The following ATP11C variants were observed in gnomAD, a reference collection of about 807,000 sequenced individuals.
ATP11C encodes ATPase phospholipid transporting 11C (ATP11C blood group), also known as phospholipid-transporting ATPase IG.
Under a neutral mutation model 97.4 loss-of-function variants are expected in ATP11C, and 36 were observed. The observed-to-expected ratio is 0.37, with a 90% CI of 0.28 to 0.49. ATP11C has a LOEUF of 0.49. Among genes scored for constraint, ATP11C ranks in the 20% least tolerant of loss-of-function variants. The probability of loss-of-function intolerance (pLI) is 0.98; values close to 1 mark genes in which losing one functional copy is unlikely to be tolerated. For synonymous variants in ATP11C, 275 were observed against 290.9 expected, an observed-to-expected ratio of 0.95 and a Z score of 0.56; for missense variants, 730 against 824.6, an observed-to-expected ratio of 0.89 and a Z score of 1.40.
At chrX:139,862,180 G>A (rs1339822511) in intron 1 of ATP11C, among the ~76,000 whole-genome samples, 3 of 111,486 alleles carry the variant, frequency 2.7e-5, no homozygotes, top group Non-Finnish European at 5.7e-5. Context: ...CCTAGAGGGT[G>A]GTACACCCAG....
intron 13 of ATP11C, among the ~76,000 whole-genome samples, chrX:139,788,557 CTG>C (rs2082624713): frequency 9.0e-6 from 1 of 111,503 alleles, no homozygotes; most frequent in Admixed American, 9.6e-5. Flanking sequence ...ACCCTATAGG[CTG>C]TGTTAACTCA....
chrX:139,778,075 G>A (rs1305960234), intron 18 of ATP11C, among the ~76,000 whole-genome samples: 1 of 110,861 alleles, frequency 9.0e-6, no homozygotes, highest in Non-Finnish European at 1.9e-5. Context: ...CAGGCTGGCT[G>A]TGAGCTCCCA....
chrX:139,799,266 C>T (rs191098497), intron 8 of ATP11C, among the ~76,000 whole-genome samples: 1,567 of 111,425 alleles, frequency 0.014, 8 homozygotes, highest in African/African-American at 0.019. Context: ...GAAAGCATCC[C>T]TTTTTGTATG....
rs202076394 is a variant in ATP11C at position 139,760,310 on chromosome X, TATC to T, written c.2640+1648_2640+1650del. Among the ~76,000 whole-genome samples the T allele has an allele frequency of 7.9e-3, 891 of 112,236 alleles. 3 individuals are homozygous for T. The highest frequency in any genetic ancestry group is 0.014 in the Middle Eastern group (3 of 217). On this transcript the variant is annotated intron_variant, in intron 22 of 29. Coordinates refer to ENST00000682941, the MANE Select transcript of ATP11C (RefSeq NM_001353812.2). ...ACACATATTGGGTTACCATCATCAT[TATC>T]ATCATTTTCCTCCTCCACAGTGTTT... is the stretch of plus-strand genomic sequence containing the variant.
Position 139,756,153 on chromosome X carries a change from A to C in ATP11C, c.2700+1655T>G, listed in dbSNP as rs974867706. Among the ~76,000 whole-genome samples, 7 of 112,342 alleles carry C rather than the reference A, an allele frequency of 6.2e-5. No individual in the cohort carries two copies. In the East Asian group the frequency reaches 2.0e-3, roughly 31 times the overall value. On this transcript the variant is annotated intron_variant, in intron 23 of 29. Coordinates refer to ENST00000682941, the MANE Select transcript of ATP11C (RefSeq NM_001353812.2). ...AAGCAAAAATCAAACCACCCCATTA[A>C]AAAGTGGGCAAAGGACACGAACAGA...
intron 1 of ATP11C, among the ~76,000 whole-genome samples, chrX:139,917,829 G>A (rs1450313488): frequency 2.7e-5 from 3 of 109,433 alleles, no homozygotes; most frequent in African/African-American, 6.7e-5. Context: ...GGTGGTACAC[G>A]CCTGTAATTC....
intron 8 of ATP11C, 49 bp downstream of exon 8, chrX:139,800,011 A>G: frequency 6.9e-6 from 3 of 434,531 alleles, no homozygotes; most frequent in Non-Finnish European, 1.2e-5. Context: ...ACAGAAAAAT[A>G]GACCCCCCCC....
chrX:139,761,816 G>A (rs775030421), intron 22 of ATP11C, 145 bp downstream of exon 22: 11 of 382,915 alleles, frequency 2.9e-5, no homozygotes, highest in African/African-American at 5.3e-5. Context: ...TCATCCAATA[G>A]ACCACCTCTG....
At chrX:139,765,010 C>T (rs2082108043) in intron 20 of ATP11C, among the ~76,000 whole-genome samples, 1 of 111,731 alleles carries the variant, frequency 9.0e-6, no homozygotes, top group African/African-American at 3.3e-5. Flanking sequence ...AAAATACGCA[C>T]CCAAGGTTTA....
At chrX:139,782,773 GA>G (rs374315625) in intron 17 of ATP11C, 45 bp from the exon 18 acceptor site, 21,715 of 637,097 alleles carry the variant, frequency 0.034, 1 homozygote, top group Admixed American at 0.041. Flanking sequence ...ATAATAGTTG[GA>G]AAAAAAAAAA....
At position 139,884,165 on chromosome X, in the gene ATP11C, A is replaced by G. The variant is rs749993137; in HGVS notation, c.27+47851T>C. On this transcript the variant is annotated intron_variant, in intron 1 of 29. Transcript: ENST00000682941. ...CTATTGATTGGTAGAGTTGGAGCCA[A>G]CAGCCCTCCCAAAGTCCAAGGCACT... Among the ~76,000 whole-genome samples the G allele has an allele frequency of 2.6e-4, 29 of 111,793 alleles. No homozygotes were observed. The South Asian group carries it at 9.8e-3, about 38-fold the overall frequency.
intron 1 of ATP11C, among the ~76,000 whole-genome samples, chrX:139,844,374 T>A (rs1271207636): frequency 8.9e-6 from 1 of 112,137 alleles, no homozygotes; most frequent in Non-Finnish European, 1.9e-5. Context: ...ATAAACAGCA[T>A]GTGTAATCAA....
intron 1 of ATP11C, among the ~76,000 whole-genome samples, chrX:139,827,726 C>A (rs2083561183): frequency 9.0e-6 from 1 of 111,205 alleles, no homozygotes; most frequent in Non-Finnish European, 1.9e-5. Flanking sequence ...AATTCCCCAA[C>A]CTAAAATGTT....
chrX:139,859,072 CT>C (rs1277519433), intron 1 of ATP11C, among the ~76,000 whole-genome samples: 1 of 111,590 alleles, frequency 9.0e-6, no homozygotes, highest in Admixed American at 9.5e-5. Context: ...TTAAGACAAA[CT>C]TTTTTTTACA....
chrX:139,893,320 A>G (rs1388701465), intron 1 of ATP11C, among the ~76,000 whole-genome samples: 1 of 111,825 alleles, frequency 8.9e-6, no homozygotes, highest in Non-Finnish European at 1.9e-5. Context: ...TCAGCCTCCC[A>G]AAGTGCTGGG....
intron 1 of ATP11C, among the ~76,000 whole-genome samples, chrX:139,919,339 G>A (rs1195162992): frequency 3.7e-5 from 4 of 108,480 alleles, no homozygotes; most frequent in Non-Finnish European, 7.6e-5. Context: ...GCGTGGTGGC[G>A]GGCACCTGTA....
At chrX:139,772,630 TGA>T (rs1166102889) in intron 19 of ATP11C, among the ~76,000 whole-genome samples, 1 of 112,119 alleles carries the variant, frequency 8.9e-6, no homozygotes, top group Non-Finnish European at 1.9e-5. Flanking sequence ...GACCTGGATG[TGA>T]GACATGGAGT....
chrX:139,789,617 G>GACAATATTACCAAAGAAATGTCAGA, intron 12 of ATP11C, 129 bp from the exon 13 acceptor site: 1 of 454,496 alleles, frequency 2.2e-6, no homozygotes, highest in Admixed American at 4.9e-5. Context: ...CAAATGTCAG[G>GACAATATTACCAAAGAAATGTCAGA]GAATTACAGA....
chrX:139,804,163 T>C (rs1270943662), intron 6 of ATP11C, among the ~76,000 whole-genome samples: 1 of 111,376 alleles, frequency 9.0e-6, no homozygotes, highest in Non-Finnish European at 1.9e-5. Flanking sequence ...TTTAAGCCTA[T>C]GATTACTCCC....
Sources: allele counts gnomAD v4.1 joint callset (sites outside exome capture counted in the v4.1 genomes callset), GRCh38; gene constraint gnomAD v4.1.1; transcripts MANE v1.5; gene names NCBI Gene and HGNC (gene_info 2026-07-23, HGNC 2026-07-21).